The following GABRG3 variants were observed in gnomAD, a reference collection of about 807,000 sequenced individuals.
GABRG3 encodes gamma-aminobutyric acid receptor subunit gamma-3.
Under a neutral mutation model 48.8 loss-of-function variants are expected in GABRG3, and 25 were observed. That is an observed-to-expected ratio of 0.51 (90% CI 0.37 to 0.72). GABRG3 has a LOEUF of 0.72. Ranked by LOEUF, GABRG3 falls within the 30% of genes least tolerant of loss-of-function variation. The pLI is 0.00. For missense variants in GABRG3, 394 were observed against 577.9 expected (o/e 0.68, Z 3.26); for synonymous variants, 227 against 217.6 (o/e 1.04, Z -0.38).
chr15:27,026,929 C>A, intron 3 of GABRG3, 108 bp downstream of exon 3: 1 of 678,882 alleles, frequency 1.5e-6, no homozygotes, highest in Non-Finnish European at 2.4e-6. Flanking sequence ...AAAACTCACA[C>A]TGACTTCTTA....
chr15:27,398,371 T>A (rs935860946), intron 5 of GABRG3, among the ~76,000 whole-genome samples: 1 of 152,196 alleles, frequency 6.6e-6, no homozygotes, highest in African/African-American at 2.4e-5. Context: ...TTAAATTGAC[T>A]TATTTACTCT....
chr15:27,011,071 C>T (rs1034434476), intron 2 of GABRG3, among the ~76,000 whole-genome samples: 4 of 151,984 alleles, frequency 2.6e-5, no homozygotes, highest in Admixed American at 6.6e-5. Context: ...CAGCTGGACT[C>T]GAACTGGCTG....
intron 5 of GABRG3, among the ~76,000 whole-genome samples, chr15:27,461,882 T>G (rs1489188936): frequency 6.6e-6 from 1 of 152,204 alleles, no homozygotes. Context: ...TTGTCTACAC[T>G]GGATGTTTCG....
intron 7 of GABRG3, among the ~76,000 whole-genome samples, chr15:27,523,413 A>G (rs1428014417): frequency 1.3e-5 from 2 of 151,742 alleles, no homozygotes; most frequent in African/African-American, 4.8e-5. Context: ...TGTTCTAAAT[A>G]TGTTGTAAAT....
intron 3 of GABRG3, among the ~76,000 whole-genome samples, chr15:27,253,005 T>C (rs1241096523): frequency 6.6e-6 from 1 of 152,198 alleles, no homozygotes; most frequent in Non-Finnish European, 1.5e-5. Flanking sequence ...AGGTCTCAGA[T>C]GGTTTTGAGG....
At position 27,002,992 on chromosome 15, in the gene GABRG3, A is replaced by G. The variant is rs1895482273; in HGVS notation, c.203-23762A>G. On this transcript the variant is annotated intron_variant, in intron 2 of 9. Transcript: ENST00000615808. The stretch of plus-strand genomic sequence containing the variant: ...AAATTAAATAAAATAAAATACAATA[A>G]ATAAACAAAACAAAACAAAAACCAT... Among the ~76,000 whole-genome samples, 3 of 150,394 alleles carry G rather than the reference A, an allele frequency of 2.0e-5. No homozygotes were observed. In the South Asian group the frequency reaches 6.3e-4, roughly 32 times the overall value.
intron 3 of GABRG3, among the ~76,000 whole-genome samples, chr15:27,172,627 A>G (rs542693581): frequency 1.6e-4 from 25 of 152,258 alleles, no homozygotes; most frequent in Non-Finnish European, 3.7e-4. Context: ...GCAGGAAAAG[A>G]CCTGGTCATC....
At chr15:27,107,769 A>G (rs1897477377) in intron 3 of GABRG3, among the ~76,000 whole-genome samples, 2 of 151,982 alleles carry the variant, frequency 1.3e-5, no homozygotes, top group Admixed American at 1.3e-4. Context: ...AGTGAGTTTT[A>G]GTAGTTTGTG....
At chr15:27,032,514 C>G (rs1896103327) in intron 3 of GABRG3, among the ~76,000 whole-genome samples, 1 of 152,182 alleles carries the variant, frequency 6.6e-6, no homozygotes, top group Non-Finnish European at 1.5e-5. Context: ...CCTCAGGAAG[C>G]TTCCAATCAT....
chr15:27,466,008 A>C (rs1325955317), intron 5 of GABRG3, among the ~76,000 whole-genome samples: 1 of 152,190 alleles, frequency 6.6e-6, no homozygotes, highest in Non-Finnish European at 1.5e-5. Flanking sequence ...CAAGAGATTG[A>C]GTGGGTTGGT....
At chr15:27,470,414 G>T (rs1422106221) in intron 5 of GABRG3, among the ~76,000 whole-genome samples, 1 of 151,634 alleles carries the variant, frequency 6.6e-6, no homozygotes, top group African/African-American at 2.4e-5. Context: ...TTGTATTTTA[G>T]TAGAGATGGG....
At chr15:27,425,237 A>G (rs1463891758) in intron 5 of GABRG3, among the ~76,000 whole-genome samples, 2 of 152,184 alleles carry the variant, frequency 1.3e-5, no homozygotes, top group East Asian at 3.9e-4. Flanking sequence ...TTTTTGCTGT[A>G]TAGACTCTAA....
intron 2 of GABRG3, among the ~76,000 whole-genome samples, chr15:27,019,246 A>AT (rs1453332317): frequency 6.6e-6 from 1 of 151,048 alleles, no homozygotes; most frequent in Non-Finnish European, 1.5e-5. Flanking sequence ...TTTTTTTTGT[A>AT]TTTTTAGTAG....
intron 6 of GABRG3, among the ~76,000 whole-genome samples, chr15:27,516,112 A>G (rs1891013092): frequency 8.0e-6 from 1 of 124,504 alleles, no homozygotes; most frequent in African/African-American, 4.3e-5. Context: ...CATTTTCAGA[A>G]AAAAAAAAAA....
intron 3 of GABRG3, among the ~76,000 whole-genome samples, chr15:27,165,430 A>G (rs1200945788): frequency 6.6e-6 from 1 of 152,194 alleles, no homozygotes. Flanking sequence ...AAATGTCCTC[A>G]TTCTTTCACT....
chr15:27,325,111 T>A (rs1893565868), intron 3 of GABRG3, among the ~76,000 whole-genome samples: 2 of 152,208 alleles, frequency 1.3e-5, no homozygotes, highest in Admixed American at 1.3e-4. Context: ...CCTGCTTTCG[T>A]TTCATTTCAC....
At chr15:27,292,108 G>A (rs868013598) in intron 3 of GABRG3, among the ~76,000 whole-genome samples, 5 of 152,138 alleles carry the variant, frequency 3.3e-5, no homozygotes, top group South Asian at 2.1e-4. Context: ...CCCTGCAAAG[G>A]ACATGAACTC....
At chr15:27,202,556 T>C (rs564794631) in intron 3 of GABRG3, among the ~76,000 whole-genome samples, 1 of 152,188 alleles carries the variant, frequency 6.6e-6, no homozygotes, top group Non-Finnish European at 1.5e-5. Flanking sequence ...AATGTGACCA[T>C]TTCCCTACAT....
chr15:27,363,893 G>C (rs1044716011), intron 5 of GABRG3: 1 of 152,228 alleles, frequency 6.6e-6, no homozygotes, highest in Non-Finnish European at 1.5e-5. Context: ...GGCAGTGTTT[G>C]ATCCTCTGGC....
Sources: gnomAD v4.1 joint callset for allele counts (sites outside exome capture counted in the v4.1 genomes callset) on GRCh38, gnomAD v4.1.1 for gene constraint, MANE v1.5 for transcripts, NCBI Gene and HGNC (gene_info 2026-07-23, HGNC 2026-07-21) for gene names.